Variants in DCC observed in about 807,000 individuals in gnomAD.
DCC encodes the protein DCC netrin 1 receptor, also known as netrin receptor DCC.
A neutral mutation model predicts 172.5 loss-of-function variants in DCC; 58 were observed. The ratio of observed to expected loss-of-function variants is 0.34; its 90% CI spans 0.27 to 0.42. The LOEUF (loss-of-function observed/expected upper bound fraction) is 0.42. Ranked by LOEUF, DCC falls within the 10% of genes least tolerant of loss-of-function variation. The pLI, the probability that DCC is intolerant of heterozygous loss-of-function variation, is 1.00. For missense variants in DCC, 1,740 were observed against 1,791.0 expected (o/e 0.97, Z 0.51); for synonymous variants, 709 against 644.5 (o/e 1.10, Z -1.52).
chr18:52,446,520 A>G (rs1988128630), intron 1 of DCC, among the ~76,000 whole-genome samples: 2 of 152,136 alleles, frequency 1.3e-5, no homozygotes, highest in South Asian at 4.1e-4. Context: ...ACCCTTCTAT[A>G]TAAATGCATT....
At chr18:53,135,216 G>A (rs1376706709) in intron 7 of DCC, among the ~76,000 whole-genome samples, 2 of 152,122 alleles carry the variant, frequency 1.3e-5, no homozygotes, top group Admixed American at 6.6e-5. Context: ...TGGAATTTCA[G>A]GGGAGAATGA....
chr18:52,765,130 G>A (rs2037224448), intron 2 of DCC, among the ~76,000 whole-genome samples: 1 of 150,170 alleles, frequency 6.7e-6, no homozygotes, highest in Non-Finnish European at 1.5e-5. Context: ...CCAGGTTCAA[G>A]CCAAGTAATT....
intron 12 of DCC, among the ~76,000 whole-genome samples, chr18:53,261,147 T>A (rs1314247831): frequency 6.6e-6 from 1 of 152,176 alleles, no homozygotes; most frequent in African/African-American, 2.4e-5. Flanking sequence ...CCCCTTGCAC[T>A]TCCCGGGTGA....
chr18:52,774,773 GC>G (rs33956600), intron 2 of DCC, among the ~76,000 whole-genome samples: 138,388 of 152,128 alleles, frequency 0.91, 63,002 homozygotes, highest in East Asian at 0.97. Flanking sequence ...AAGGAGAGGT[GC>G]CCCTGAACCA....
chr18:52,574,516 T>C (rs755115050), intron 1 of DCC, among the ~76,000 whole-genome samples: 1 of 152,190 alleles, frequency 6.6e-6, no homozygotes, highest in Non-Finnish European at 1.5e-5. Context: ...GGAATAGTTC[T>C]TTAGAATTAA....
At chr18:52,934,999 A>C (rs1425863505) in intron 5 of DCC, 1 of 152,184 alleles carries the variant, frequency 6.6e-6, no homozygotes, top group Non-Finnish European at 1.5e-5. Context: ...GAAGACTAAC[A>C]CAACTACAGA....
intron 5 of DCC, among the ~76,000 whole-genome samples, chr18:52,960,452 C>T (rs746724919): frequency 3.4e-4 from 51 of 152,132 alleles, no homozygotes; most frequent in Non-Finnish European, 6.6e-4. Flanking sequence ...CTCTACTTTA[C>T]TAATTGACAT....
At chr18:52,795,944 T>C (rs1302194868) in intron 2 of DCC, among the ~76,000 whole-genome samples, 1 of 152,050 alleles carries the variant, frequency 6.6e-6, no homozygotes, top group Non-Finnish European at 1.5e-5. Flanking sequence ...TGAATCAATA[T>C]AGAATAAAAC....
At chr18:52,403,345 T>C (rs1016862163) in intron 1 of DCC, among the ~76,000 whole-genome samples, 5 of 152,018 alleles carry the variant, frequency 3.3e-5, no homozygotes, top group African/African-American at 4.8e-5. Flanking sequence ...CAGCCCTTGA[T>C]GCTCTCCACT....
chr18:53,430,612 A>G (rs1911551605), intron 21 of DCC, among the ~76,000 whole-genome samples: 1 of 152,192 alleles, frequency 6.6e-6, no homozygotes, highest in Non-Finnish European at 1.5e-5. Flanking sequence ...TTCATTTTAT[A>G]CGTACACCAC....
At chr18:52,717,450 CAA>C (rs2036402013) in intron 1 of DCC, among the ~76,000 whole-genome samples, 2 of 49,838 alleles carry the variant, frequency 4.0e-5, no homozygotes, top group Non-Finnish European at 1.0e-4. Flanking sequence ...TTTTTTTTTC[CAA>C]AAAAAGGAAG....
intron 12 of DCC, among the ~76,000 whole-genome samples, chr18:53,228,700 A>G (rs1187414892): frequency 2.0e-5 from 3 of 152,122 alleles, no homozygotes; most frequent in Non-Finnish European, 4.4e-5. Context: ...TTCGGGGTTT[A>G]TGAGATAAGA....
chr18:52,768,484 A>C (rs557774778), intron 2 of DCC, among the ~76,000 whole-genome samples: 79 of 152,322 alleles, frequency 5.2e-4, no homozygotes, highest in African/African-American at 1.9e-3. Context: ...GAGCTCTGCT[A>C]TGCTGCCCTC....
intron 1 of DCC, among the ~76,000 whole-genome samples, chr18:52,528,449 A>G (rs2032047877): frequency 6.6e-6 from 1 of 152,198 alleles, no homozygotes; most frequent in African/African-American, 2.4e-5. Flanking sequence ...TCTGAGTTTT[A>G]TACAAGAGTC....
intron 15 of DCC, among the ~76,000 whole-genome samples, chr18:53,347,499 T>C (rs1233825129): frequency 6.6e-6 from 1 of 152,210 alleles, no homozygotes; most frequent in East Asian, 1.9e-4. Context: ...GTGAACATTC[T>C]TGATAAAAAT....
intron 1 of DCC, among the ~76,000 whole-genome samples, chr18:52,454,312 A>G (rs1345270830): frequency 3.3e-5 from 5 of 152,168 alleles, no homozygotes; most frequent in South Asian, 2.1e-4. Flanking sequence ...TTTTTACTCA[A>G]TGAGAACACA....
At chr18:53,016,864 T>C (rs978531101) in intron 5 of DCC, among the ~76,000 whole-genome samples, 1 of 152,146 alleles carries the variant, frequency 6.6e-6, no homozygotes, top group African/African-American at 2.4e-5. Context: ...CAAGCATTTA[T>C]GGTAAGCTGT....
At chr18:53,455,462 G>A (rs528108628) in intron 23 of DCC, among the ~76,000 whole-genome samples, 31 of 151,590 alleles carry the variant, frequency 2.0e-4, no homozygotes, top group African/African-American at 5.8e-4. Flanking sequence ...AAAGTGAAAA[G>A]GAAAAAAAAC....
chr18:53,047,269 T>G (rs1283283975), intron 5 of DCC, among the ~76,000 whole-genome samples: 1 of 17,440 alleles, frequency 5.7e-5, no homozygotes, highest in Non-Finnish European at 1.1e-4. Flanking sequence ...TATATATATA[T>G]ATATATATAT....
Sources: allele counts gnomAD v4.1 joint callset (sites outside exome capture counted in the v4.1 genomes callset), GRCh38; gene constraint gnomAD v4.1.1; transcripts MANE v1.5; gene names NCBI Gene and HGNC (gene_info 2026-07-23, HGNC 2026-07-21).